The following SLC14A2 variants were observed in gnomAD, a reference collection of about 807,000 sequenced individuals.
SLC14A2 encodes urea transporter 2.
A neutral mutation model predicts 104.6 loss-of-function variants in SLC14A2; 91 were observed. That is an observed-to-expected ratio of 0.87 (90% CI 0.73 to 1.04). The LOEUF (loss-of-function observed/expected upper bound fraction) is 1.04. SLC14A2 is among the 50% of genes least tolerant of loss of function. The pLI is 0.00. For synonymous variants in SLC14A2, 476 were observed against 466.4 expected (o/e 1.02, Z -0.27); for missense variants, 1,189 against 1,156.0 (o/e 1.03, Z -0.41).
chr18:45,658,660 AAG>A (rs2045884155), intron 10 of SLC14A2, among the ~76,000 whole-genome samples: 1 of 152,132 alleles, frequency 6.6e-6, no homozygotes, highest in African/African-American at 2.4e-5. Context: ...GATATTCAGA[AAG>A]AGGGTAGATT....
At chr18:45,181,651 AAAATT>A in the SLC14A2 span, among the ~76,000 whole-genome samples, 2 of 152,346 alleles carry the variant, frequency 1.3e-5, no homozygotes, top group South Asian at 2.1e-4. Flanking sequence ...CAGATAAACT[AAAATT>A]AAAAGAAATT....
intron 2 of SLC14A2, among the ~76,000 whole-genome samples, chr18:45,550,935 T>C (rs2044047548): frequency 6.6e-6 from 1 of 152,196 alleles, no homozygotes; most frequent in African/African-American, 2.4e-5. Context: ...GACTTATTCC[T>C]GCTGTAGTGA....
Position 45,283,418 on chromosome 18 carries a change from T to C in SLC14A2, c.-125+70227T>C, listed in dbSNP as rs1214833273. On this transcript the variant is annotated intron_variant, in intron 1 of 20. Transcript: ENST00000586448. ...ACCCGCTCTAAGGAAAATTTCCCTC[T>C]GACTCTGAGCAGGGCACATGAGAGA... Among the ~76,000 whole-genome samples the C allele has an allele frequency of 1.4e-5, 2 of 137,966 alleles. 1 individual carries two copies. The highest frequency in any genetic ancestry group is 3.0e-5 in the Non-Finnish European group (2 of 65,892). The allele number at this position is 137,966 out of a possible 152,430, so 90.5% of individuals were successfully genotyped here. A position where few individuals can be genotyped will look rare whatever the true frequency, so the allele number is the denominator to read the frequency against.
chr18:45,280,798 T>TAAA (rs1186436557), intron 1 of SLC14A2, among the ~76,000 whole-genome samples: 5 of 152,180 alleles, frequency 3.3e-5, no homozygotes, highest in Non-Finnish European at 5.9e-5. Flanking sequence ...CCCTGCCTTT[T>TAAA]CCTCTTGAAT....
chr18:45,193,803 G>A, the SLC14A2 span, among the ~76,000 whole-genome samples: 4 of 152,088 alleles, frequency 2.6e-5, no homozygotes, highest in African/African-American at 9.7e-5. Flanking sequence ...GTAATCTGAG[G>A]AGAATAACAT....
chr18:45,441,689 G>T (rs2086684623), intron 1 of SLC14A2, among the ~76,000 whole-genome samples: 1 of 152,292 alleles, frequency 6.6e-6, no homozygotes, highest in African/African-American at 2.4e-5. Context: ...GAGGTACTCT[G>T]GCCACAGAAA....
At chr18:45,295,619 A>G (rs1272453711) in intron 1 of SLC14A2, among the ~76,000 whole-genome samples, 1 of 152,046 alleles carries the variant, frequency 6.6e-6, no homozygotes, top group African/African-American at 2.4e-5. Flanking sequence ...AGCAATCCCA[A>G]TCCTTTCCAT....
intron 2 of SLC14A2, among the ~76,000 whole-genome samples, chr18:45,607,161 C>G (rs1847518280): frequency 6.6e-6 from 1 of 152,036 alleles, no homozygotes; most frequent in Non-Finnish European, 1.5e-5. Context: ...TTGGGTATGT[C>G]CCCAAGGGGT....
intron 1 of SLC14A2, among the ~76,000 whole-genome samples, chr18:45,294,468 G>C (rs1479854341): frequency 4.6e-5 from 7 of 152,082 alleles, no homozygotes; most frequent in Admixed American, 4.6e-4. Flanking sequence ...AAAACAAACT[G>C]TTATTTGTTT....
chr18:45,494,451 A>G (rs918438275), intron 2 of SLC14A2, among the ~76,000 whole-genome samples: 7 of 152,164 alleles, frequency 4.6e-5, no homozygotes, highest in Non-Finnish European at 1.0e-4. Context: ...AGGCTGGAGT[A>G]CAGTGTTGCA....
intron 18 of SLC14A2, among the ~76,000 whole-genome samples, chr18:45,678,684 T>TCC (rs1366304215): frequency 2.0e-5 from 3 of 152,252 alleles, no homozygotes; most frequent in African/African-American, 7.2e-5. Context: ...TGGTTTATGC[T>TCC]GTTAAATGTT....
chr18:45,312,311 A>G (rs1476794310), intron 1 of SLC14A2, among the ~76,000 whole-genome samples: 1 of 152,164 alleles, frequency 6.6e-6, no homozygotes, highest in Non-Finnish European at 1.5e-5. Context: ...AGAGACAATC[A>G]GCTAAGATTT....
At chr18:45,484,909 T>C (rs1183674124) in intron 2 of SLC14A2, among the ~76,000 whole-genome samples, 1 of 152,194 alleles carries the variant, frequency 6.6e-6, no homozygotes. Flanking sequence ...GGGTGGCTTT[T>C]CCAGCAAGTA....
rs575631605 is a variant in SLC14A2 at position 45,586,962 on chromosome 18, G to GA, written c.-34-37659dup. ...GGAGTAAGAATAACTGTCCTTACTA[G>GA]AAAAAAAAAAGTTTATTCTTCTTTA... On this transcript the variant is annotated intron_variant, in intron 2 of 20. Transcript: ENST00000586448. 4.7e-3 allele frequency among the ~76,000 whole-genome samples: 705 copies of GA among 148,742 alleles called. 5 individuals are homozygous for GA. Among genetic ancestry groups the GA allele is most frequent in the Non-Finnish European group, 8.4e-3 (562 of 66,982 alleles).
intron 1 of SLC14A2, among the ~76,000 whole-genome samples, chr18:45,242,103 TG>T (rs1196829374): frequency 6.6e-6 from 1 of 152,172 alleles, no homozygotes; most frequent in Non-Finnish European, 1.5e-5. Flanking sequence ...GGCATGATTT[TG>T]GCTTTTTCTG....
At chr18:45,372,475 T>C (rs966401687) in intron 1 of SLC14A2, among the ~76,000 whole-genome samples, 22 of 152,212 alleles carry the variant, frequency 1.4e-4, no homozygotes, top group Admixed American at 3.9e-4. Flanking sequence ...GCCCTTGTTC[T>C]TGTCATTCAG....
At chr18:45,264,077 T>C (rs2084567138) in intron 1 of SLC14A2, among the ~76,000 whole-genome samples, 2 of 152,184 alleles carry the variant, frequency 1.3e-5, no homozygotes, top group South Asian at 4.1e-4. Flanking sequence ...TCTCTATCTA[T>C]TAGAATCAAA....
chr18:45,625,918 C>T (rs896360983), intron 3 of SLC14A2, 55 bp downstream of exon 3: 3 of 1,285,192 alleles, frequency 2.3e-6, no homozygotes, highest in Middle Eastern at 2.8e-4. Flanking sequence ...AGAGAGACAA[C>T]CCTCTCTCCG....
intron 1 of SLC14A2, among the ~76,000 whole-genome samples, chr18:45,624,417 G>A (rs1395823042): frequency 2.6e-5 from 4 of 152,146 alleles, no homozygotes; most frequent in South Asian, 2.1e-4. Flanking sequence ...TATCTTCATC[G>A]GCCAAATGGA....
Sources: gnomAD v4.1 joint callset for allele counts (sites outside exome capture counted in the v4.1 genomes callset) on GRCh38, gnomAD v4.1.1 for gene constraint, MANE v1.5 for transcripts, NCBI Gene and HGNC (gene_info 2026-07-23, HGNC 2026-07-21) for gene names.